ACOT12: variants seen among roughly 807,000 people sequenced by gnomAD.
The protein encoded by ACOT12 is acetyl-coenzyme A thioesterase.
Under a neutral mutation model 67.7 loss-of-function variants are expected in ACOT12, and 51 were observed. The observed-to-expected ratio is 0.75, with a 90% CI of 0.60 to 0.95. ACOT12 has a LOEUF of 0.95. Among genes scored for constraint, ACOT12 ranks in the 40% least tolerant of loss-of-function variants. The pLI is 0.00. For missense variants in ACOT12, 734 were observed against 708.1 expected, an observed-to-expected ratio of 1.04 and a Z score of -0.41; for synonymous variants, 251 against 244.6, an observed-to-expected ratio of 1.03 and a Z score of -0.24.
At chr5:81,359,051 A>C (rs186136633) in intron 5 of ACOT12, among the ~76,000 whole-genome samples, 126 of 151,666 alleles carry the variant, frequency 8.3e-4, no homozygotes, top group African/African-American at 2.6e-3. Context: ...CTTTCCATGC[A>C]CTCTTTCTCC....
downstream of ACOT12, among the ~76,000 whole-genome samples, chr5:81,329,754 C>T (rs74439733): frequency 0.015 from 2,275 of 152,296 alleles, 49 homozygotes; most frequent in African/African-American, 0.052. Context: ...CTCTGTAATA[C>T]TACATTTTAC....
intron 13 of ACOT12, 44 bp from the exon 14 acceptor site, chr5:81,330,984 A>C: frequency 6.5e-7 from 1 of 1,527,334 alleles, no homozygotes; most frequent in Non-Finnish European, 8.8e-7. Flanking sequence ...AATAAAGAAT[A>C]GTTGTTAGAA....
downstream of ACOT12, among the ~76,000 whole-genome samples, chr5:81,327,587 C>T (rs565229287): frequency 3.3e-4 from 50 of 152,250 alleles, no homozygotes; most frequent in African/African-American, 1.2e-3. Flanking sequence ...ATTACAGGTG[C>T]GCAGCACCAC....
chr5:81,338,863 C>G (rs530583707), intron 11 of ACOT12, among the ~76,000 whole-genome samples: 1 of 152,252 alleles, frequency 6.6e-6, no homozygotes, highest in African/African-American at 2.4e-5. Context: ...GGGCAGATCA[C>G]CTGAGGTCAG....
At chr5:81,366,730 TA>T (rs1444232192) in intron 3 of ACOT12, among the ~76,000 whole-genome samples, 2 of 151,734 alleles carry the variant, frequency 1.3e-5, no homozygotes, top group Non-Finnish European at 2.9e-5. Context: ...CTTTCTAAGG[TA>T]AAAAAATACA....
chr5:81,380,945 A>G (rs1336790510), intron 2 of ACOT12, among the ~76,000 whole-genome samples: 1 of 152,322 alleles, frequency 6.6e-6, no homozygotes, highest in East Asian at 1.9e-4. Flanking sequence ...CTCCTAGGCT[A>G]CAAACCTGTA....
the ACOT12 span, among the ~76,000 whole-genome samples, chr5:81,323,346 T>C: frequency 6.6e-6 from 1 of 152,020 alleles, no homozygotes; most frequent in Non-Finnish European, 1.5e-5. Context: ...CCATCTGCAG[T>C]TCAGTTTGGG....
intron 5 of ACOT12, among the ~76,000 whole-genome samples, chr5:81,355,522 C>T (rs1298665550): frequency 3.3e-5 from 5 of 152,142 alleles, no homozygotes; most frequent in Non-Finnish European, 7.3e-5. Context: ...AACAATTGAA[C>T]TCACAAAGAT....
intron 5 of ACOT12, among the ~76,000 whole-genome samples, chr5:81,355,692 C>T (rs555324847): frequency 3.0e-4 from 45 of 152,272 alleles, no homozygotes; most frequent in South Asian, 8.3e-4. Context: ...CCTAGCAATT[C>T]GCCTTTAGGA....
chr5:81,388,052 T>G lies in ACOT12; in HGVS notation c.128-2226A>C, dbSNP rs534260471. 6.6e-5 allele frequency among the ~76,000 whole-genome samples: 10 copies of G among 152,348 alleles called. No homozygotes were observed. In the South Asian group the frequency reaches 1.7e-3, roughly 25 times the overall value. ...AGGCACTGGACTAGTCATTTAAGCA[T>G]GTCGATTACATGAAGTTGGTACTAT... On this transcript the variant is annotated intron_variant, in intron 1 of 14. Transcript: ENST00000307624.
rs1759990656 is a variant in ACOT12, at chr5:81,363,793, C to T, written c.355G>A (p.Glu119Lys). ...TCTTCACATACAAAATTTACCTTTT[C>T]TTTTCCAACTGGTTTGGCTACAAAT... The part of the protein sequence containing the change: ...STFVAKPVGK[E>K]KIHLKPVTLL... The change falls in exon 4 of 15, where the codon GAA (glutamate) becomes AAA (lysine). Residue 119 changes from glutamate (E) to lysine (K), a missense_variant. Physicochemically the swap from Glu to Lys is moderately conservative, Grantham distance 56. Coordinates refer to ENST00000307624, the MANE Select transcript of ACOT12 (RefSeq NM_130767.3). 1.2e-6 allele frequency: 2 copies of T among 1,608,048 alleles called. No homozygotes were observed. The highest frequency in any genetic ancestry group is 1.7e-6 in the Non-Finnish European group (2 of 1,177,560).
chr5:81,358,872 T>C (rs906560787), intron 5 of ACOT12, among the ~76,000 whole-genome samples: 15 of 151,208 alleles, frequency 9.9e-5, no homozygotes, highest in African/African-American at 3.4e-4. Flanking sequence ...AAAAATCAAG[T>C]TGGTAATGGG....
At chr5:81,389,162 T>C (rs551096065) in intron 1 of ACOT12, among the ~76,000 whole-genome samples, 1 of 152,256 alleles carries the variant, frequency 6.6e-6, no homozygotes, top group South Asian at 2.1e-4. Context: ...AGGTGGGGTA[T>C]CCAGGAAGGC....
chr5:81,332,434 T>TA (rs1485646023), intron 13 of ACOT12, 43 bp downstream of exon 13: 14 of 1,604,614 alleles, frequency 8.7e-6, no homozygotes, highest in Non-Finnish European at 1.1e-5. Flanking sequence ...TTCTATCCTA[T>TA]ACTATGAAAT....
intron 5 of ACOT12, among the ~76,000 whole-genome samples, chr5:81,352,745 T>C (rs566589960): frequency 6.6e-5 from 10 of 152,250 alleles, no homozygotes; most frequent in Admixed American, 2.6e-4. Flanking sequence ...ATAACGAGTA[T>C]CATTGGATTG....
At chr5:81,383,522 T>C (rs1467744078) in intron 2 of ACOT12, among the ~76,000 whole-genome samples, 1 of 152,066 alleles carries the variant, frequency 6.6e-6, no homozygotes, top group Non-Finnish European at 1.5e-5. Flanking sequence ...AAAAAATAAA[T>C]TGCAAGATAA....
chr5:81,318,200 T>C, the ACOT12 span, among the ~76,000 whole-genome samples: 1 of 152,158 alleles, frequency 6.6e-6, no homozygotes, highest in Non-Finnish European at 1.5e-5. Context: ...CAATTTTAAT[T>C]ACTTTTGTGT....
chr5:81,325,248 G>T (rs1758646778), downstream of ACOT12, among the ~76,000 whole-genome samples: 2 of 152,178 alleles, frequency 1.3e-5, no homozygotes, highest in Non-Finnish European at 2.9e-5. Flanking sequence ...TGAAGTTCAT[G>T]ACCTGAGTCA....
Position 81,342,724 on chromosome 5 carries a change from A to AG in ACOT12, c.1075dup (p.Leu359ProfsTer28), listed in dbSNP as rs1251897734. 6.2e-7 allele frequency: 1 copy of AG among 1,614,092 alleles called. No homozygotes were observed. Among genetic ancestry groups the AG allele is most frequent in the Non-Finnish European group, 8.5e-7 (1 of 1,179,980 alleles). Reference sequence around the variant, plus strand: ...ACCCCTTTTGGCTGCCAGTTTTTTGAGGGCCTCCACATTGCTGTCACTCAG... The same window carrying AG: ...ACCCCTTTTGGCTGCCAGTTTTTTGAGGGGCCTCCACATTGCTGTCACTCAG... On this transcript the variant is annotated frameshift_variant, in exon 11 of 15. Coordinates refer to ENST00000307624, the MANE Select transcript of ACOT12 (RefSeq NM_130767.3). LOFTEE classifies it high-confidence loss of function.
Sources: gnomAD v4.1 joint callset for allele counts (sites outside exome capture counted in the v4.1 genomes callset) on GRCh38, gnomAD v4.1.1 for gene constraint, MANE v1.5 for transcripts, NCBI Gene and HGNC (gene_info 2026-07-23, HGNC 2026-07-21) for gene names.